UEVLD: variants seen among roughly 807,000 people sequenced by gnomAD.
The protein encoded by UEVLD is UEV and lactate/malate dehyrogenase domains.
In UEVLD, 47 loss-of-function variants were observed where a neutral mutation model predicts 58.6. The ratio of observed to expected loss-of-function variants is 0.80; its 90% CI spans 0.63 to 1.02. The LOEUF is 1.02. Among genes scored for constraint, UEVLD ranks in the 50% least tolerant of loss-of-function variants. The pLI is 0.00. For synonymous variants in UEVLD, 197 were observed against 195.3 expected (o/e 1.01, Z -0.07); for missense variants, 510 against 550.6 (o/e 0.93, Z 0.74).
Position 18,548,590 on chromosome 11 carries a change from G to A in UEVLD, c.716-1540C>T, listed in dbSNP as rs1851392721. On this transcript the variant is annotated intron_variant, in intron 7 of 11. Coordinates refer to ENST00000396197, the MANE Select transcript of UEVLD (RefSeq NM_001040697.4). ...TTACAGGCATATGCCACCACACCCAGCTAATTTTGTATTTTTAGTAGAGAC... is the reference window on the plus strand; with the variant it reads ...TTACAGGCATATGCCACCACACCCAACTAATTTTGTATTTTTAGTAGAGAC... Among the ~76,000 whole-genome samples the A allele has an allele frequency of 2.0e-5, 3 of 152,160 alleles. No homozygotes were observed. The South Asian group carries it at 6.2e-4, about 31-fold the overall frequency.
intron 1 of UEVLD, chr11:18,587,737 A>T (rs1285753823): frequency 6.6e-6 from 1 of 151,782 alleles, no homozygotes; most frequent in Non-Finnish European, 1.5e-5. Context: ...CGGGAGGTGG[A>T]GGTTGCAGTG....
At chr11:18,559,135 A>G (rs1264647344) in intron 6 of UEVLD, among the ~76,000 whole-genome samples, 1 of 151,788 alleles carries the variant, frequency 6.6e-6, no homozygotes, top group Non-Finnish European at 1.5e-5. Flanking sequence ...TGGTCTCCCA[A>G]AGTGCTGGAA....
chr11:18,567,673 G>A (rs1310498693), intron 4 of UEVLD, among the ~76,000 whole-genome samples: 6 of 152,080 alleles, frequency 3.9e-5, no homozygotes, highest in East Asian at 1.9e-4. Flanking sequence ...GGCCTAACGC[G>A]GCCCTCTGAA....
chr11:18,576,867 C>T (rs899357127), intron 2 of UEVLD, among the ~76,000 whole-genome samples: 3 of 152,170 alleles, frequency 2.0e-5, no homozygotes, highest in African/African-American at 7.2e-5. Context: ...TCACAATGCT[C>T]GGGGCGACTG....
chr11:18,585,622 T>C (rs1163546740), intron 1 of UEVLD, among the ~76,000 whole-genome samples: 3 of 151,066 alleles, frequency 2.0e-5, no homozygotes, highest in East Asian at 2.0e-4. Flanking sequence ...TCATCTATTC[T>C]TTCCTTCTTT....
At chr11:18,587,116 A>G (rs547692259) in intron 1 of UEVLD, among the ~76,000 whole-genome samples, 2 of 152,254 alleles carry the variant, frequency 1.3e-5, no homozygotes, top group East Asian at 1.9e-4. Flanking sequence ...ATCCTCTACT[A>G]TTCTACTCTC....
intron 7 of UEVLD, among the ~76,000 whole-genome samples, chr11:18,554,954 A>G (rs1851696024): frequency 6.6e-6 from 1 of 152,214 alleles, no homozygotes; most frequent in Admixed American, 6.5e-5. Context: ...GCCATATCTC[A>G]GAATATATTC....
In UEVLD at chr11:18,566,455, TAA is replaced by T. The variant is rs1852308151; in HGVS notation, c.383_384del (p.Ile128LysfsTer20). ...SHPKSVIVGL[I>X]KEMIAKFQEE... is the part of the protein sequence containing the mutation. ...TCTTGAAACTTGGCAATCATTTCTT[TAA>T]TTAATCCAACAATGACAGATTTAGG... On this transcript the variant is annotated frameshift_variant, in exon 5 of 12. Coordinates refer to ENST00000396197, the MANE Select transcript of UEVLD (RefSeq NM_001040697.4). LOFTEE classifies it high-confidence loss of function. 2 of 1,613,932 alleles carry T rather than the reference TAA, an allele frequency of 1.2e-6. No homozygotes were observed. The highest frequency in any genetic ancestry group is 1.7e-5 in the Admixed American group (1 of 59,984).
Position 18,588,640 on chromosome 11 carries a change from G to C in UEVLD, c.15C>G (p.Cys5Trp). Residue 5 changes from cysteine (C) to tryptophan (W), a missense_variant, in exon 1 of 12, where the codon TGC (cysteine) becomes TGG (tryptophan). Coordinates refer to ENST00000396197, the MANE Select transcript of UEVLD (RefSeq NM_001040697.4). Reference sequence around the variant, plus strand: ...TGCCAAGCAGCCGTCTCAGGCCCTCGCAGTCGAACTCCATCTCCAGGCCGG... The same window carrying C: ...TGCCAAGCAGCCGTCTCAGGCCCTCCCAGTCGAACTCCATCTCCAGGCCGG... MEFDCEGLRRLLGKY... is the reference protein window; with the variant it reads MEFDWEGLRRLLGKY... 1 of 1,609,886 alleles carries C rather than the reference G, an allele frequency of 6.2e-7. No homozygotes were observed.
chr11:18,566,890 T>C (rs1272262620), intron 4 of UEVLD, among the ~76,000 whole-genome samples: 2 of 152,242 alleles, frequency 1.3e-5, no homozygotes, highest in Non-Finnish European at 2.9e-5. Flanking sequence ...AATAGCCGAA[T>C]ACCTAGGTTT....
chr11:18,555,566 C>G (rs1440543813), intron 7 of UEVLD, among the ~76,000 whole-genome samples: 1 of 151,902 alleles, frequency 6.6e-6, no homozygotes, highest in Non-Finnish European at 1.5e-5. Context: ...CCATCCTGGG[C>G]AACAGAGTGA....
intron 1 of UEVLD, among the ~76,000 whole-genome samples, chr11:18,579,878 T>C (rs915741169): frequency 1.3e-5 from 2 of 152,076 alleles, no homozygotes; most frequent in Non-Finnish European, 2.9e-5. Context: ...CAAGGTACAA[T>C]ACTTAGACTC....
intron 2 of UEVLD, 74 bp from the exon 3 acceptor site, chr11:18,575,486 G>T: frequency 7.1e-7 from 1 of 1,413,586 alleles, no homozygotes; most frequent in South Asian, 1.3e-5. Flanking sequence ...ATGTAAGTGT[G>T]CACATGTGTG....
intron 1 of UEVLD, among the ~76,000 whole-genome samples, chr11:18,582,392 A>C (rs1020825037): frequency 8.8e-6 from 1 of 113,008 alleles, no homozygotes. Flanking sequence ...ATCTGTCCCA[A>C]GGAAAATATT....
chr11:18,529,853 C>G lies in UEVLD; in HGVS notation c.*2467G>C, dbSNP rs187292811. On this transcript the variant is annotated 3_prime_UTR_variant, in exon 12 of 12. Transcript: ENST00000396197. ...TGGTGATATTGCTTCTTGACTTACA[C>G]TGGGATTTACAACATGATTACTAAT... 1.3e-5 allele frequency: 2 copies of G among 152,276 alleles called. No homozygotes were observed. Among genetic ancestry groups the G allele is most frequent in the African/African-American group, 4.8e-5 (2 of 41,576 alleles). 9.4% of individuals were successfully genotyped at this position (152,276 alleles called of 1,614,324 possible). A position where few individuals can be genotyped will look rare whatever the true frequency, so the allele number is the denominator to read the frequency against.
intron 1 of UEVLD, among the ~76,000 whole-genome samples, chr11:18,579,822 T>C (rs1351469588): frequency 1.3e-5 from 2 of 152,164 alleles, no homozygotes; most frequent in African/African-American, 2.4e-5. Context: ...AACAATTCCT[T>C]TTACAATGGT....
At position 18,547,026 on chromosome 11, in the gene UEVLD, T is replaced by C. The variant is rs1851331767; in HGVS notation, c.740A>G (p.Lys247Arg). The C allele has an allele frequency of 1.2e-6, 2 of 1,613,510 alleles. No individual in the cohort carries two copies. The highest frequency in any genetic ancestry group is 1.7e-6 in the Non-Finnish European group (2 of 1,179,898). The change falls in exon 8 of 12, where the codon AAG becomes AGG. Residue 247 changes from lysine (K) to arginine (R), a missense_variant. Lys to Arg is a conservative substitution (Grantham distance 26, BLOSUM62 2). Coordinates refer to ENST00000396197, the MANE Select transcript of UEVLD (RefSeq NM_001040697.4). ...SKDLSASAHS[K>R]VVIFTVNSLG... Reference sequence around the variant, plus strand: ...AGAGTTGACTGTGAAGATCACCACCTTGGAATGAGCAGAGGCAGACAAATC... The same window carrying C: ...AGAGTTGACTGTGAAGATCACCACCCTGGAATGAGCAGAGGCAGACAAATC...
chr11:18,562,917 AC>A (rs1852112904), intron 6 of UEVLD, among the ~76,000 whole-genome samples: 1 of 151,934 alleles, frequency 6.6e-6, no homozygotes, highest in Non-Finnish European at 1.5e-5. Context: ...GTAGTGGCAC[AC>A]CCCTGTGGTC....
intron 3 of UEVLD, among the ~76,000 whole-genome samples, chr11:18,572,266 T>C (rs928289605): frequency 1.3e-5 from 2 of 152,198 alleles, no homozygotes; most frequent in African/African-American, 2.4e-5. Context: ...AAAGATTACA[T>C]ACATCTCTAA....
Sources: gnomAD v4.1 joint callset for allele counts (sites outside exome capture counted in the v4.1 genomes callset) on GRCh38, gnomAD v4.1.1 for gene constraint, MANE v1.5 for transcripts, NCBI Gene and HGNC (gene_info 2026-07-23, HGNC 2026-07-21) for gene names.